The following CDYL variants were observed in gnomAD, a reference collection of about 807,000 sequenced individuals.
The protein encoded by CDYL is chromodomain Y like.
CDYL carries 8 observed loss-of-function variants against 47.3 expected under a neutral mutation model. The observed-to-expected ratio is 0.17, with a 90% CI of 0.10 to 0.31. CDYL has a LOEUF of 0.31. Ranked by LOEUF, CDYL falls within the 10% of genes least tolerant of loss-of-function variation. The probability of loss-of-function intolerance (pLI) is 1.00; values close to 1 mark genes in which losing one functional copy is unlikely to be tolerated. For missense variants in CDYL, 471 were observed against 701.4 expected (o/e 0.67, Z 3.71); for synonymous variants, 266 against 265.0 (o/e 1.00, Z -0.04).
At chr6:4,945,043 G>C (rs994060115) in intron 5 of CDYL, among the ~76,000 whole-genome samples, 1 of 152,130 alleles carries the variant, frequency 6.6e-6, no homozygotes, top group African/African-American at 2.4e-5. Flanking sequence ...CGGAGAAGAC[G>C]TGGAAAGACT....
upstream of CDYL, among the ~76,000 whole-genome samples, chr6:4,774,208 A>G (rs1160794299): frequency 6.6e-6 from 1 of 152,160 alleles, no homozygotes; most frequent in Non-Finnish European, 1.5e-5. Context: ...CTTATATGTT[A>G]TATGTATCTA....
Position 4,892,307 on chromosome 6 carries a change from C to T in CDYL, c.619C>T (p.His207Tyr). Residue 207 changes from histidine (H) to tyrosine (Y), a missense_variant, in exon 2 of 7, where the codon CAC becomes TAC. His to Tyr is a moderately conservative substitution (Grantham distance 83, BLOSUM62 2). This residue lies in a region of CDYL where 311 missense variants were observed against 350.0 expected (regional missense o/e 0.89). Coordinates refer to ENST00000397588, the MANE Select transcript of CDYL (RefSeq NM_004824.4). ...RARMGSRPRIHPLVPQVPGPV... is the reference protein window; with the variant it reads ...RARMGSRPRIYPLVPQVPGPV... The stretch of plus-strand genomic sequence containing the variant: ...CAGGATGGGGAGCAGGCCCAGGATA[C>T]ACCCACTAGTGCCTCAGGTGCCCGG... 6.2e-7 allele frequency: 1 copy of T among 1,614,116 alleles called. No individual in the cohort carries two copies. The highest frequency in any genetic ancestry group is 8.5e-7 in the Non-Finnish European group (1 of 1,180,018).
intron 1 of CDYL, among the ~76,000 whole-genome samples, chr6:4,806,577 G>T (rs1759376992): frequency 6.6e-6 from 1 of 152,168 alleles, no homozygotes. Context: ...GAAAGTCTTT[G>T]GGAGGAGCTA....
intron 2 of CDYL, among the ~76,000 whole-genome samples, chr6:4,720,813 G>A (rs552939761): frequency 9.2e-5 from 14 of 152,088 alleles, no homozygotes; most frequent in Non-Finnish European, 1.8e-4. Flanking sequence ...AAAAGCATTC[G>A]GATCATGGTC....
Position 4,943,770 on chromosome 6 carries a change from TA to T in CDYL, c.1332+31del, listed in dbSNP as rs34649909. 145,912 of 1,159,908 alleles carry T rather than the reference TA, an allele frequency of 0.13. 1,434 individuals carry two copies. Among genetic ancestry groups the T allele is most frequent in the South Asian group, 0.15 (9,443 of 63,724 alleles). 71.9% of individuals were successfully genotyped at this position (1,159,908 alleles called of 1,614,324 possible). On this transcript the variant is annotated intron_variant, in intron 5 of 6. Coordinates refer to ENST00000397588, the MANE Select transcript of CDYL (RefSeq NM_004824.4). ...GGAGGAGCATCTGTGAGTACCTTTT[TA>T]AAAAAAAAAAAAAAAAGTCATTCTA... is the stretch of plus-strand genomic sequence containing the variant.
chr6:4,922,968 T>C (rs939120285), intron 2 of CDYL, among the ~76,000 whole-genome samples: 6 of 152,178 alleles, frequency 3.9e-5, no homozygotes, highest in Non-Finnish European at 8.8e-5. Context: ...CTATTTTTAC[T>C]CAACACTTAT....
intron 2 of CDYL, among the ~76,000 whole-genome samples, chr6:4,922,245 C>T (rs573868287): frequency 3.9e-5 from 6 of 152,112 alleles, no homozygotes; most frequent in South Asian, 2.1e-4. Context: ...GTTGCCGACC[C>T]GTTGCCTCAG....
intron 6 of CDYL, among the ~76,000 whole-genome samples, chr6:4,952,926 C>G (rs1457036814): frequency 6.6e-6 from 1 of 151,992 alleles, no homozygotes; most frequent in African/African-American, 2.4e-5. Context: ...CGCCACCATG[C>G]CTGGGTTATT....
At chr6:4,726,268 G>A (rs1292462260) in intron 2 of CDYL, among the ~76,000 whole-genome samples, 2 of 152,068 alleles carry the variant, frequency 1.3e-5, no homozygotes, top group East Asian at 1.9e-4. Context: ...CCGGCGTGGC[G>A]GCTCTCGCGC....
intron 3 of CDYL, among the ~76,000 whole-genome samples, chr6:4,761,268 G>A (rs1404366625): frequency 6.6e-6 from 1 of 152,052 alleles, no homozygotes. Context: ...GTATCTCGAG[G>A]GATAATTTAA....
chr6:4,810,946 T>A (rs1185031257), intron 1 of CDYL, among the ~76,000 whole-genome samples: 1 of 152,224 alleles, frequency 6.6e-6, no homozygotes, highest in African/African-American at 2.4e-5. Flanking sequence ...ATTCAGACCA[T>A]AGCAAGTGGT....
chr6:4,847,035 C>T (rs1020104458), intron 1 of CDYL, among the ~76,000 whole-genome samples: 10 of 152,214 alleles, frequency 6.6e-5, no homozygotes, highest in African/African-American at 2.4e-4. Flanking sequence ...GTTTACACAG[C>T]CCTGCTGTGT....
intron 6 of CDYL, among the ~76,000 whole-genome samples, chr6:4,953,269 A>G (rs546639803): frequency 4.3e-4 from 66 of 151,880 alleles, no homozygotes; most frequent in Non-Finnish European, 8.7e-4. Context: ...CTGTAATCCC[A>G]ACTACTCGAG....
At chr6:4,779,482 C>T (rs1053844995) in intron 1 of CDYL, among the ~76,000 whole-genome samples, 7 of 152,070 alleles carry the variant, frequency 4.6e-5, no homozygotes, top group African/African-American at 1.5e-4. Context: ...TAGCATGGAA[C>T]CTGGTATGTA....
At chr6:4,820,082 C>T (rs572562425) in intron 1 of CDYL, among the ~76,000 whole-genome samples, 2 of 152,136 alleles carry the variant, frequency 1.3e-5, no homozygotes, top group Non-Finnish European at 2.9e-5. Context: ...CCATCTCCCT[C>T]TGTGTTCTCT....
In CDYL at chr6:4,937,601, G is replaced by A. The variant is rs778247904; in HGVS notation, c.985G>A (p.Ala329Thr). 3.6e-5 allele frequency: 57 copies of A among 1,595,784 alleles called. No individual in the cohort carries two copies. The highest frequency in any genetic ancestry group is 4.5e-5 in the Non-Finnish European group (53 of 1,172,658). ...AGTCCAGAGTGCTCTGAGCACGGCC[G>A]CTGCCGATGACAGCAAGCTGGTACT... Reference protein sequence around the residue: ...REVQSALSTAAADDSKLVLLS... With the variant: ...REVQSALSTATADDSKLVLLS... The change falls in exon 4 of 7, where the codon GCT becomes ACT. Residue 329 changes from alanine to threonine, a missense_variant. Transcript: ENST00000397588.
chr6:4,927,198 T>G (rs1757900762), intron 2 of CDYL, among the ~76,000 whole-genome samples: 1 of 152,164 alleles, frequency 6.6e-6, no homozygotes, highest in Non-Finnish European at 1.5e-5. Flanking sequence ...ACTTTCTGTT[T>G]TAGGAGTAAA....
intron 3 of CDYL, among the ~76,000 whole-genome samples, chr6:4,736,071 C>T (rs984622173): frequency 6.6e-6 from 1 of 152,198 alleles, no homozygotes; most frequent in Non-Finnish European, 1.5e-5. Context: ...GTTTCCCACT[C>T]CCCCAGCCCC....
chr6:4,723,945 T>G (rs568797104), intron 2 of CDYL, among the ~76,000 whole-genome samples: 2 of 152,242 alleles, frequency 1.3e-5, no homozygotes, highest in African/African-American at 2.4e-5. Context: ...TTAGAATGAA[T>G]GAGCCCTGGG....
Sources: gnomAD v4.1 joint callset for allele counts (sites outside exome capture counted in the v4.1 genomes callset) on GRCh38, gnomAD v4.1.1 for gene constraint, gnomAD v4.1.1 regional missense constraint, MANE v1.5 for transcripts, NCBI Gene and HGNC (gene_info 2026-07-23, HGNC 2026-07-21) for gene names.